The following CA10 variants were observed in gnomAD, a reference collection of about 807,000 sequenced individuals.
CA10 encodes carbonic anhydrase-related protein 10.
In CA10, 14 loss-of-function variants were observed where a neutral mutation model predicts 44.2. The observed-to-expected ratio is 0.32, with a 90% confidence interval of 0.21 to 0.50. The LOEUF is 0.50. Ranked by LOEUF, CA10 falls within the 20% of genes least tolerant of loss-of-function variation. CA10 has a pLI of 0.99. For missense variants in CA10, 350 were observed against 409.7 expected (o/e 0.85, Z 1.26); for synonymous variants, 159 against 141.6 (o/e 1.12, Z -0.87).
chr17:51,646,501 G>T (rs1191603642), intron 6 of CA10, among the ~76,000 whole-genome samples: 3 of 152,034 alleles, frequency 2.0e-5, no homozygotes, highest in Non-Finnish European at 4.4e-5. Context: ...TGGGGTGGGG[G>T]GTTGATTTCT....
intron 8 of CA10, among the ~76,000 whole-genome samples, chr17:51,633,099 G>A (rs1003088593): frequency 7.9e-6 from 1 of 126,582 alleles, no homozygotes; most frequent in African/African-American, 3.1e-5. Context: ...GGGCTCTTTT[G>A]AAAAATGGCA....
chr17:51,633,351 T>A (rs1165049714), intron 8 of CA10, 125 bp downstream of exon 8: 1 of 928,688 alleles, frequency 1.1e-6, no homozygotes, highest in African/African-American at 1.7e-5. Flanking sequence ...TGGAGTGTGA[T>A]GGCTATTGTC....
intron 3 of CA10, among the ~76,000 whole-genome samples, chr17:51,923,837 G>A (rs921064811): frequency 6.6e-6 from 1 of 152,180 alleles, no homozygotes; most frequent in South Asian, 2.1e-4. Context: ...ACCTTGGATC[G>A]TAGCAACTTT....
At chr17:51,901,889 A>T (rs1441501210) in intron 3 of CA10, among the ~76,000 whole-genome samples, 2 of 152,166 alleles carry the variant, frequency 1.3e-5, no homozygotes, top group Admixed American at 6.6e-5. Flanking sequence ...AGTATAAGAT[A>T]ATGTTACCAA....
intron 3 of CA10, among the ~76,000 whole-genome samples, chr17:51,775,816 G>C (rs948178433): frequency 3.9e-5 from 6 of 152,172 alleles, no homozygotes; most frequent in Non-Finnish European, 8.8e-5. Context: ...AGGCCAAGCA[G>C]AGTATGTATG....
At chr17:52,056,641 G>A (rs1987237567) in intron 2 of CA10, among the ~76,000 whole-genome samples, 1 of 151,800 alleles carries the variant, frequency 6.6e-6, no homozygotes, top group Admixed American at 6.6e-5. Flanking sequence ...AGAATTCCTG[G>A]TTGGGAGTTA....
chr17:51,843,467 G>T (rs1242451301), intron 3 of CA10, among the ~76,000 whole-genome samples: 1 of 152,142 alleles, frequency 6.6e-6, no homozygotes, highest in Non-Finnish European at 1.5e-5. Flanking sequence ...TTAGACCTCT[G>T]CTACAGGGCA....
intron 4 of CA10, among the ~76,000 whole-genome samples, chr17:51,688,795 T>A (rs1349043857): frequency 3.3e-5 from 5 of 152,228 alleles, no homozygotes. Context: ...TTTGTCCCTG[T>A]ATTCTTTTCT....
intron 1 of CA10, among the ~76,000 whole-genome samples, chr17:52,088,547 C>A (rs544777106): frequency 6.1e-4 from 93 of 152,250 alleles, no homozygotes; most frequent in Admixed American, 1.8e-3. Flanking sequence ...TACCACATAA[C>A]CTCAAGATCT....
At chr17:52,132,691 T>A (rs898473668) in intron 1 of CA10, among the ~76,000 whole-genome samples, 2 of 152,200 alleles carry the variant, frequency 1.3e-5, no homozygotes, top group African/African-American at 2.4e-5. Context: ...AGTTAGCTTA[T>A]AGGCAGTTCT....
At chr17:51,884,177 C>T (rs183256891) in intron 3 of CA10, among the ~76,000 whole-genome samples, 1 of 152,284 alleles carries the variant, frequency 6.6e-6, no homozygotes, top group Non-Finnish European at 1.5e-5. Flanking sequence ...GCCACCCTTT[C>T]CCTGGATTGT....
intron 2 of CA10, among the ~76,000 whole-genome samples, chr17:52,040,317 C>T (rs1426362221): frequency 1.5e-5 from 2 of 130,672 alleles, no homozygotes; most frequent in South Asian, 2.2e-4. Context: ...GTTTGTTTTC[C>T]ACTAGTGGTA....
chr17:51,839,547 G>C (rs769799262), intron 3 of CA10, among the ~76,000 whole-genome samples: 1 of 115,522 alleles, frequency 8.7e-6, no homozygotes, highest in Non-Finnish European at 1.8e-5. Context: ...CTTTGTAGAA[G>C]AGGCAGTTAA....
chr17:51,843,861 T>C (rs1201216597), intron 3 of CA10, among the ~76,000 whole-genome samples: 1 of 152,152 alleles, frequency 6.6e-6, no homozygotes, highest in Non-Finnish European at 1.5e-5. Context: ...TACAGAAAAG[T>C]AAATTCACAA....
In CA10 at chr17:51,717,851, A is replaced by G. The variant is rs76998766; in HGVS notation, c.465+29782T>C. The stretch of plus-strand genomic sequence containing the variant: ...TGTGTATATATATATATATATATAT[A>G]TATATATATATATATATACAGGATA... On this transcript the variant is annotated intron_variant, in intron 4 of 8. Coordinates refer to ENST00000451037, the MANE Select transcript of CA10 (RefSeq NM_020178.5). Among the ~76,000 whole-genome samples the G allele has an allele frequency of 4.1e-4, 9 of 22,052 alleles. 2 individuals are homozygous for G. Among genetic ancestry groups the G allele is most frequent in the Admixed American group, 7.1e-4 (1 of 1,414 alleles). 14.5% of individuals were successfully genotyped at this position (22,052 alleles called of 152,430 possible).
chr17:51,832,502 C>G (rs1434398044), intron 3 of CA10, among the ~76,000 whole-genome samples: 1 of 152,166 alleles, frequency 6.6e-6, no homozygotes, highest in Non-Finnish European at 1.5e-5. Flanking sequence ...GGTGATGACT[C>G]AAAGGCTTAA....
chr17:51,632,444 G>A (rs1912623884), intron 8 of CA10, among the ~76,000 whole-genome samples: 1 of 152,228 alleles, frequency 6.6e-6, no homozygotes, highest in African/African-American at 2.4e-5. Context: ...AAGGGAACAA[G>A]GGGGAAGTAG....
At chr17:51,798,030 G>A (rs1906783098) in intron 3 of CA10, among the ~76,000 whole-genome samples, 1 of 152,130 alleles carries the variant, frequency 6.6e-6, no homozygotes, top group Non-Finnish European at 1.5e-5. Flanking sequence ...CTTGCCTTAA[G>A]CAAAGCCCTG....
chr17:52,156,070 G>A (rs1989798058), intron 1 of CA10, among the ~76,000 whole-genome samples: 1 of 152,258 alleles, frequency 6.6e-6, no homozygotes, highest in Admixed American at 6.5e-5. Context: ...CTTAATCAAT[G>A]TTAACCCTTT....
Sources: gnomAD v4.1 joint callset for allele counts (sites outside exome capture counted in the v4.1 genomes callset) on GRCh38, gnomAD v4.1.1 for gene constraint, MANE v1.5 for transcripts, NCBI Gene and HGNC (gene_info 2026-07-23, HGNC 2026-07-21) for gene names.